CDH23: variants seen among roughly 807,000 people sequenced by gnomAD.
CDH23 encodes the protein cadherin related 23.
In CDH23, 189 loss-of-function variants were observed where a neutral mutation model predicts 317.1. The ratio of observed to expected loss-of-function variants is 0.60; its 90% CI spans 0.53 to 0.67. CDH23 has a LOEUF of 0.67. CDH23 is among the 30% of genes least tolerant of loss of function. The pLI is 0.00. For missense variants in CDH23, 4,401 were observed against 4,592.4 expected, an observed-to-expected ratio of 0.96 and a Z score of 1.20; for synonymous variants, 1,839 against 1,876.8, an observed-to-expected ratio of 0.98 and a Z score of 0.52.
At chr10:71,792,153 G>T (rs527464268) in intron 47 of CDH23, among the ~76,000 whole-genome samples, 5 of 152,250 alleles carry the variant, frequency 3.3e-5, no homozygotes, top group Middle Eastern at 3.4e-3. Context: ...AATAAAATAT[G>T]ATGTGATAAA....
intron 9 of CDH23, among the ~76,000 whole-genome samples, chr10:71,597,011 C>A (rs1246772481): frequency 6.6e-6 from 1 of 152,234 alleles, no homozygotes; most frequent in Non-Finnish European, 1.5e-5. Flanking sequence ...TAATCCCCAG[C>A]ACACTCTGGC....
intron 14 of CDH23, among the ~76,000 whole-genome samples, chr10:71,672,667 G>A (rs1230576942): frequency 6.6e-6 from 1 of 152,196 alleles, no homozygotes; most frequent in South Asian, 2.1e-4. Flanking sequence ...GGCAGGGGAG[G>A]CCAAGCCTTG....
intron 6 of CDH23, among the ~76,000 whole-genome samples, chr10:71,555,681 A>G (rs74362496): frequency 0.017 from 2,632 of 152,324 alleles, 41 homozygotes; most frequent in Non-Finnish European, 0.027. Flanking sequence ...TTCTACAGGA[A>G]GGTCACTCAG....
chr10:71,549,368 C>T (rs1411734547), intron 6 of CDH23, among the ~76,000 whole-genome samples: 1 of 152,218 alleles, frequency 6.6e-6, no homozygotes, highest in East Asian at 1.9e-4. Context: ...GGAGGGGGCA[C>T]GGATGCATAG....
rs1032072622 is a variant in CDH23, at chr10:71,807,728, G to A, written c.8521G>A (p.Asp2841Asn). 1.9e-5 allele frequency: 30 copies of A among 1,609,388 alleles called. No individual in the cohort carries two copies. Among genetic ancestry groups the A allele is most frequent in the Non-Finnish European group, 2.5e-5 (29 of 1,177,832 alleles). Residue 2841 changes from aspartate (D) to asparagine (N), a missense_variant, in exon 59 of 70, where the codon GAC becomes AAC. Transcript: ENST00000224721. ...EVRVVLEDIN[D>N]QPPRFTKAEY... ...GCGCGTTGTGCTAGAGGACATCAACGACCAGCCACCACGCTTCACCAAGGC... is the reference window on the plus strand; with the variant it reads ...GCGCGTTGTGCTAGAGGACATCAACAACCAGCCACCACGCTTCACCAAGGC...
chr10:71,643,710 G>A lies in CDH23; in HGVS notation c.1135-151G>A, dbSNP rs993697430. ...AAGCTATGGCCCATCAGAGGCTGGG[G>A]ACAGCTGCTCCTCTAGGGTGTGATC... On this transcript the variant is annotated intron_variant, in intron 11 of 69. Coordinates refer to ENST00000224721, the MANE Select transcript of CDH23 (RefSeq NM_022124.6). 5.1e-5 allele frequency: 32 copies of A among 623,516 alleles called. No individual in the cohort carries two copies. The Admixed American group carries it at 7.6e-4, about 15-fold the overall frequency. The allele number at this position is 623,516 out of a possible 1,614,324, so 38.6% of individuals were successfully genotyped here. A position where few individuals can be genotyped will look rare whatever the true frequency, so the allele number is the denominator to read the frequency against.
At chr10:71,690,630 C>T (rs1347114713) in intron 20 of CDH23, 46 bp downstream of exon 20, 8 of 1,383,934 alleles carry the variant, frequency 5.8e-6, no homozygotes, top group Non-Finnish European at 7.1e-6. Context: ...CACCCTGAGG[C>T]TGACTGTCCA....
intron 3 of CDH23, among the ~76,000 whole-genome samples, chr10:71,483,284 C>T (rs1336437462): frequency 6.6e-6 from 1 of 152,226 alleles, no homozygotes; most frequent in Non-Finnish European, 1.5e-5. Flanking sequence ...CAGCATGGGA[C>T]ACCCAAGCCC....
chr10:71,728,691 A>G (rs1005858730), intron 30 of CDH23, among the ~76,000 whole-genome samples: 5 of 152,296 alleles, frequency 3.3e-5, no homozygotes, highest in Admixed American at 6.5e-5. Context: ...TTTGCTGGCA[A>G]GTTCCTACCG....
intron 9 of CDH23, among the ~76,000 whole-genome samples, chr10:71,612,908 G>A (rs1000628406): frequency 1.3e-5 from 2 of 152,248 alleles, no homozygotes; most frequent in Non-Finnish European, 2.9e-5. Context: ...GAGTGCAGTG[G>A]TGTGATCTCG....
chr10:71,787,034 A>T (rs1227700462), intron 44 of CDH23, among the ~76,000 whole-genome samples: 1 of 151,964 alleles, frequency 6.6e-6, no homozygotes, highest in East Asian at 1.9e-4. Flanking sequence ...GGGGTACTGG[A>T]GGTTCTGAGG....
chr10:71,673,478 C>T (rs1864231932), intron 14 of CDH23, among the ~76,000 whole-genome samples: 1 of 152,220 alleles, frequency 6.6e-6, no homozygotes, highest in South Asian at 2.1e-4. Context: ...CTCCTGCTCC[C>T]CTTCTCCTCC....
chr10:71,550,669 C>T (rs1292395000), intron 6 of CDH23, among the ~76,000 whole-genome samples: 1 of 151,974 alleles, frequency 6.6e-6, no homozygotes, highest in Non-Finnish European at 1.5e-5. Flanking sequence ...TGAACAGCTG[C>T]TTCAGGCCCA....
chr10:71,667,359 A>AGAGAGAGAGTGTGTGTGTGTGTGT (rs58361666), intron 14 of CDH23, among the ~76,000 whole-genome samples: 67 of 112,094 alleles, frequency 6.0e-4, no homozygotes, highest in Middle Eastern at 4.3e-3. Flanking sequence ...AGAGAGAGAG[A>AGAGAGAGAGTGTGTGTGTGTGTGT]GTGTGTGTGT....
chr10:71,813,298 G>A lies in CDH23; in HGVS notation c.9688G>A (p.Ala3230Thr). The A allele has an allele frequency of 6.4e-7, 1 of 1,551,662 alleles. No individual in the cohort carries two copies. The highest frequency in any genetic ancestry group is 8.7e-7 in the Non-Finnish European group (1 of 1,146,998). ...TTACCTGCGGCTCAAAAAGCTCTTT[G>A]CACAGCGGATGGTGCAAAAAGCCTC... ...EDYLRLKKLF[A>T]QRMVQKASSC... Residue 3230 changes from alanine to threonine, a missense_variant, in exon 69 of 70, where the codon GCA (alanine) becomes ACA (threonine). By Grantham distance (58) the Ala-to-Thr change is moderately conservative (BLOSUM62 0). Around this residue, in one of 3 missense-constraint regions of CDH23, gnomAD observed 1,144 missense variants for 1,138.2 expected, o/e 1.01. Coordinates refer to ENST00000224721, the MANE Select transcript of CDH23 (RefSeq NM_022124.6).
At chr10:71,548,148 G>C (rs992960325) in intron 6 of CDH23, among the ~76,000 whole-genome samples, 1 of 152,238 alleles carries the variant, frequency 6.6e-6, no homozygotes, top group Non-Finnish European at 1.5e-5. Context: ...CGGGAGGGCT[G>C]GGATTGGGGA....
Position 71,705,017 on chromosome 10 carries a change from T to A in CDH23, c.2840T>A (p.Val947Glu), listed in dbSNP as rs397517318. Residue 947 changes from valine (V) to glutamate (E), a missense_variant, in exon 25 of 70, where the codon GTG becomes GAG. Transcript: ENST00000224721. ...DFLINSSSGV[V>E]VTTTELDRER... ...CTCATCAACAGCAGCAGCGGCGTGG[T>A]GGTCACCACCACCGAGCTGGACCGC... 10 of 1,612,484 alleles carry A rather than the reference T, an allele frequency of 6.2e-6. No homozygotes were observed. The highest frequency in any genetic ancestry group is 1.7e-5 in the Admixed American group (1 of 60,002).
intron 22 of CDH23, 111 bp downstream of exon 22, chr10:71,695,636 C>G (rs1865358972): frequency 2.8e-6 from 2 of 724,856 alleles, no homozygotes; most frequent in African/African-American, 1.7e-5. Context: ...GACTCTGTGT[C>G]CCTCTGAGCT....
chr10:71,770,964 T>C (rs898852218), intron 38 of CDH23, among the ~76,000 whole-genome samples: 1 of 152,190 alleles, frequency 6.6e-6, no homozygotes, highest in Admixed American at 6.5e-5. Context: ...GGGTTGTGGA[T>C]TTCCTAAGAG....
Sources: gnomAD v4.1 joint callset for allele counts (sites outside exome capture counted in the v4.1 genomes callset) on GRCh38, gnomAD v4.1.1 for gene constraint, gnomAD v4.1.1 regional missense constraint, MANE v1.5 for transcripts, NCBI Gene and HGNC (gene_info 2026-07-23, HGNC 2026-07-21) for gene names.